Variants in LPP observed in about 807,000 individuals in gnomAD.
LPP encodes the protein LIM domain containing preferred translocation partner in lipoma.
LPP carries 38 observed loss-of-function variants against 60.4 expected under a neutral mutation model. The ratio of observed to expected loss-of-function variants is 0.63; its 90% CI spans 0.49 to 0.83. The LOEUF is 0.83. Ranked by LOEUF, LPP falls within the 40% of genes least tolerant of loss-of-function variation. The probability of loss-of-function intolerance (pLI) is 0.00; values close to 1 mark genes in which losing one functional copy is unlikely to be tolerated. For synonymous variants in LPP, 328 were observed against 290.8 expected (o/e 1.13, Z -1.30); for missense variants, 902 against 783.6 (o/e 1.15, Z -1.80).
intron 9 of LPP, among the ~76,000 whole-genome samples, chr3:188,781,944 G>C (rs1739908328): frequency 6.6e-6 from 1 of 150,980 alleles, no homozygotes; most frequent in Admixed American, 6.6e-5. Context: ...ACCTCCCACT[G>C]TGTCCCTTCT....
intron 2 of LPP, among the ~76,000 whole-genome samples, chr3:188,237,750 G>A (rs1722434539): frequency 6.6e-6 from 1 of 151,760 alleles, no homozygotes; most frequent in South Asian, 2.1e-4. Context: ...TTTCATCCAG[G>A]CTTTGTCATT....
chr3:188,640,399 G>A (rs1227214661), intron 7 of LPP, among the ~76,000 whole-genome samples: 1 of 145,470 alleles, frequency 6.9e-6, no homozygotes, highest in Non-Finnish European at 1.5e-5. Context: ...GGATAGCATT[G>A]GGAGATATAC....
At chr3:188,187,585 G>A (rs1172819394) in intron 1 of LPP, among the ~76,000 whole-genome samples, 1 of 151,806 alleles carries the variant, frequency 6.6e-6, no homozygotes, top group Non-Finnish European at 1.5e-5. Flanking sequence ...TTGTCTGCTT[G>A]GAGTCTGTTC....
At chr3:188,227,032 G>A (rs1299360031) in intron 2 of LPP, among the ~76,000 whole-genome samples, 1 of 152,002 alleles carries the variant, frequency 6.6e-6, no homozygotes, top group African/African-American at 2.4e-5. Context: ...TATGTCTTGA[G>A]TTTTTTCAGT....
chr3:188,427,520 T>G (rs1039460515), intron 4 of LPP, among the ~76,000 whole-genome samples: 6 of 152,202 alleles, frequency 3.9e-5, no homozygotes, highest in African/African-American at 1.2e-4. Flanking sequence ...GAGGAGTATC[T>G]TTTTGGTGTT....
chr3:188,687,027 A>G (rs1166718162), intron 7 of LPP, among the ~76,000 whole-genome samples: 3 of 152,248 alleles, frequency 2.0e-5, no homozygotes, highest in Non-Finnish European at 4.4e-5. Flanking sequence ...GAGGGCTTCA[A>G]TGTCAGGCTG....
intron 3 of LPP, among the ~76,000 whole-genome samples, chr3:188,342,380 A>G (rs1578205843): frequency 6.6e-6 from 1 of 152,222 alleles, no homozygotes; most frequent in Non-Finnish European, 1.5e-5. Flanking sequence ...GTTTGCCAAG[A>G]AAATGGAGGC....
chr3:188,494,159 G>A (rs1258009110), intron 5 of LPP, among the ~76,000 whole-genome samples: 1 of 152,196 alleles, frequency 6.6e-6, no homozygotes, highest in Non-Finnish European at 1.5e-5. Context: ...GCCAGCAGAA[G>A]AATTGCCCTT....
At chr3:188,411,561 C>T (rs1784886823) in intron 4 of LPP, among the ~76,000 whole-genome samples, 1 of 152,160 alleles carries the variant, frequency 6.6e-6, no homozygotes, top group South Asian at 2.1e-4. Flanking sequence ...TGTTCCATCA[C>T]TTTCTATTCT....
intron 9 of LPP, among the ~76,000 whole-genome samples, chr3:188,801,202 C>T (rs1292405705): frequency 6.6e-6 from 1 of 152,136 alleles, no homozygotes; most frequent in Non-Finnish European, 1.5e-5. Context: ...GTCATAAAGT[C>T]ATCTGTCCTA....
At chr3:188,188,631 A>G (rs1317863064) in intron 1 of LPP, among the ~76,000 whole-genome samples, 1 of 152,186 alleles carries the variant, frequency 6.6e-6, no homozygotes, top group East Asian at 1.9e-4. Flanking sequence ...ATATGCTACA[A>G]GATCTACAAC....
chr3:188,825,291 G>C (rs901624214), intron 9 of LPP, among the ~76,000 whole-genome samples: 78 of 150,448 alleles, frequency 5.2e-4, no homozygotes, highest in Non-Finnish European at 8.3e-4. Flanking sequence ...GTGTGTGTGT[G>C]TGTGTGTGTG....
chr3:188,516,981 T>A (rs1817552230), intron 5 of LPP, among the ~76,000 whole-genome samples: 2 of 152,218 alleles, frequency 1.3e-5, no homozygotes, highest in African/African-American at 4.8e-5. Context: ...TCTCAGTAAC[T>A]TAGTTTTACT....
chr3:188,250,724 C>CTCTTTCTTTCTTTCTTTCTT (rs768358623), intron 2 of LPP, among the ~76,000 whole-genome samples: 1 of 118,512 alleles, frequency 8.4e-6, no homozygotes, highest in African/African-American at 3.3e-5. Context: ...CTTTCTTTCT[C>CTCTTTCTTTCTTTCTTTCTT]TCTTTCTTTC....
chr3:188,753,175 T>C (rs1183610496), intron 8 of LPP, among the ~76,000 whole-genome samples: 2 of 152,192 alleles, frequency 1.3e-5, no homozygotes, highest in African/African-American at 4.8e-5. Context: ...TGATGGAACA[T>C]CAGGTTTCTT....
Position 188,484,529 on chromosome 3 carries a change from A to AT in LPP, c.194-62dup. 4 of 1,153,588 alleles carry AT rather than the reference A, an allele frequency of 3.5e-6. No individual in the cohort carries two copies. In the South Asian group the frequency reaches 5.7e-5, roughly 16 times the overall value. 71.5% of individuals were successfully genotyped at this position (1,153,588 alleles called of 1,614,324 possible). On this transcript the variant is annotated intron_variant, in intron 4 of 11. Coordinates refer to ENST00000617246, the MANE Select transcript of LPP (RefSeq NM_001375462.1). ...ATAAAAAAGTAAAATGCCAGCAAAT[A>AT]TATCACGAGTACTATAACGTTGCAT...
Position 188,484,802 on chromosome 3 carries a change from G to A in LPP, c.306+98G>A, listed in dbSNP as rs962806434. The A allele has an allele frequency of 7.9e-6, 7 of 882,612 alleles. No individual in the cohort carries two copies. The African/African-American group carries it at 1.0e-4, about 13-fold the overall frequency. 54.7% of individuals were successfully genotyped at this position (882,612 alleles called of 1,614,324 possible). A position where few individuals can be genotyped will look rare whatever the true frequency, so the allele number is the denominator to read the frequency against. ...GCTCATGAATTTCATGAGTGTTTCT[G>A]TGCTGGATAAACATTTATCCAGAGC... is the stretch of plus-strand genomic sequence containing the variant. On this transcript the variant is annotated intron_variant, in intron 5 of 11. Coordinates refer to ENST00000617246, the MANE Select transcript of LPP (RefSeq NM_001375462.1).
rs188847325 is a variant in LPP, at chr3:188,271,862, T to C, written c.-67+46335T>C. ...TTAATGGCAGCTGATGTCCCAAACT[T>C]GTGCACAATGGCTCCGAGAAGGCCA... On this transcript the variant is annotated intron_variant, in intron 2 of 11. Coordinates refer to ENST00000617246, the MANE Select transcript of LPP (RefSeq NM_001375462.1). Among the ~76,000 whole-genome samples the C allele has an allele frequency of 1.1e-3, 164 of 152,292 alleles. 3 individuals are homozygous for C. Among genetic ancestry groups the C allele is most frequent in the Admixed American group, 7.3e-3 (112 of 15,296 alleles).
intron 6 of LPP, among the ~76,000 whole-genome samples, chr3:188,533,849 G>A (rs1040954993): frequency 1.3e-4 from 20 of 152,036 alleles, no homozygotes; most frequent in Admixed American, 1.3e-3. Flanking sequence ...TTTATGACAG[G>A]CAATTAATTT....
Sources: allele counts gnomAD v4.1 joint callset (sites outside exome capture counted in the v4.1 genomes callset), GRCh38; gene constraint gnomAD v4.1.1; transcripts MANE v1.5; gene names NCBI Gene and HGNC (gene_info 2026-07-23, HGNC 2026-07-21).